Variants in EXOC6B observed in about 807,000 individuals in gnomAD.
The protein encoded by EXOC6B is SEC15 homolog B.
In EXOC6B, 54 loss-of-function variants were observed where a neutral mutation model predicts 113.5. That is an observed-to-expected ratio of 0.48 (90% confidence interval 0.38 to 0.60). The LOEUF is 0.60. Among genes scored for constraint, EXOC6B ranks in the 20% least tolerant of loss-of-function variants. The pLI, the probability that EXOC6B is intolerant of heterozygous loss-of-function variation, is 0.00. For synonymous variants in EXOC6B, 357 were observed against 339.0 expected (o/e 1.05, Z -0.58); for missense variants, 797 against 977.5 (o/e 0.82, Z 2.46).
At chr2:72,701,082 G>A (rs757485905) in intron 6 of EXOC6B, among the ~76,000 whole-genome samples, 10 of 152,078 alleles carry the variant, frequency 6.6e-5, no homozygotes, top group African/African-American at 1.2e-4. Flanking sequence ...GGTGGCTCAC[G>A]CCTGTAATCC....
intron 1 of EXOC6B, among the ~76,000 whole-genome samples, chr2:72,792,179 C>T (rs765532988): frequency 6.6e-6 from 1 of 152,158 alleles, no homozygotes; most frequent in Non-Finnish European, 1.5e-5. Flanking sequence ...ACTTCCAAGT[C>T]AAATTTAATC....
intron 18 of EXOC6B, among the ~76,000 whole-genome samples, chr2:72,413,991 GTTGAT>G (rs1179637008): frequency 2.0e-5 from 3 of 152,172 alleles, no homozygotes; most frequent in Non-Finnish European, 4.4e-5. Context: ...TATAAGCACA[GTTGAT>G]TTTAGTAACC....
At chr2:72,787,564 G>T (rs1046625427) in intron 1 of EXOC6B, among the ~76,000 whole-genome samples, 5 of 151,964 alleles carry the variant, frequency 3.3e-5, no homozygotes, top group Admixed American at 6.6e-5. Flanking sequence ...TAGCTTTAAG[G>T]AAAGTTTAAG....
intron 19 of EXOC6B, among the ~76,000 whole-genome samples, chr2:72,349,433 C>T (rs1434394844): frequency 1.3e-5 from 2 of 152,164 alleles, no homozygotes; most frequent in Non-Finnish European, 2.9e-5. Context: ...TGGGATTGAA[C>T]AGTTGGAGCT....
intron 1 of EXOC6B, among the ~76,000 whole-genome samples, chr2:72,800,634 T>A (rs768728013): frequency 3.9e-5 from 6 of 152,070 alleles, no homozygotes; most frequent in Non-Finnish European, 8.8e-5. Context: ...ATTTTACAGA[T>A]GAGAAAAGTG....
chr2:72,496,807 T>G (rs1182574813), intron 13 of EXOC6B, among the ~76,000 whole-genome samples: 1 of 151,950 alleles, frequency 6.6e-6, no homozygotes, highest in African/African-American at 2.4e-5. Context: ...GGACCACAAT[T>G]ATAAACATAT....
intron 18 of EXOC6B, among the ~76,000 whole-genome samples, chr2:72,426,226 G>C (rs748306080): frequency 3.4e-4 from 52 of 151,902 alleles, no homozygotes; most frequent in Non-Finnish European, 6.5e-4. Context: ...TGATAGCTTT[G>C]CTCATCCCCA....
intron 5 of EXOC6B, among the ~76,000 whole-genome samples, chr2:72,722,240 A>G (rs572195887): frequency 6.6e-6 from 1 of 152,256 alleles, no homozygotes. Context: ...ATATTACAAG[A>G]TAATTTTCTC....
intron 20 of EXOC6B, among the ~76,000 whole-genome samples, chr2:72,190,602 T>C (rs1309339996): frequency 2.0e-5 from 3 of 152,180 alleles, no homozygotes; most frequent in Non-Finnish European, 4.4e-5. Context: ...ATAACCAATC[T>C]AGTTTCTCGT....
intron 1 of EXOC6B, among the ~76,000 whole-genome samples, chr2:72,823,492 A>C (rs1346347361): frequency 1.3e-5 from 2 of 150,504 alleles, no homozygotes; most frequent in African/African-American, 4.9e-5. Flanking sequence ...AAAACAAAAA[A>C]AAAGACAGTG....
At chr2:72,460,854 C>A (rs944102612) in intron 18 of EXOC6B, among the ~76,000 whole-genome samples, 1 of 151,658 alleles carries the variant, frequency 6.6e-6, no homozygotes, top group African/African-American at 2.4e-5. Flanking sequence ...CATCCCATTA[C>A]TGGGTATATA....
At chr2:72,691,452 A>G (rs1258336987) in intron 6 of EXOC6B, among the ~76,000 whole-genome samples, 2 of 152,170 alleles carry the variant, frequency 1.3e-5, no homozygotes, top group Non-Finnish European at 2.9e-5. Context: ...CCAAAATTTA[A>G]AAGAAAAAAT....
At chr2:72,716,431 T>G (rs1374373276) in intron 6 of EXOC6B, among the ~76,000 whole-genome samples, 1 of 152,166 alleles carries the variant, frequency 6.6e-6, no homozygotes, top group South Asian at 2.1e-4. Context: ...CCTTACACTC[T>G]CGGTACTACA....
intron 8 of EXOC6B, among the ~76,000 whole-genome samples, chr2:72,529,635 T>G (rs946928051): frequency 6.6e-6 from 1 of 152,172 alleles, no homozygotes; most frequent in African/African-American, 2.4e-5. Context: ...ATTGTTTGTT[T>G]GTTTGTTTTT....
intron 1 of EXOC6B, among the ~76,000 whole-genome samples, chr2:72,796,889 A>G (rs1684990511): frequency 6.6e-6 from 1 of 152,238 alleles, no homozygotes; most frequent in African/African-American, 2.4e-5. Flanking sequence ...GAGAGCACCC[A>G]TAAAAGAGGA....
chr2:72,374,695 T>C (rs1164450666), intron 19 of EXOC6B, among the ~76,000 whole-genome samples: 2 of 151,646 alleles, frequency 1.3e-5, no homozygotes, highest in African/African-American at 2.4e-5. Flanking sequence ...TATGATTAGA[T>C]TGTAACACAA....
intron 18 of EXOC6B, among the ~76,000 whole-genome samples, chr2:72,429,466 T>C (rs1296366636): frequency 6.6e-6 from 1 of 152,206 alleles, no homozygotes. Flanking sequence ...TCTTAGATAA[T>C]CATAGCAGGT....
At chr2:72,535,436 T>C (rs1409674678) in intron 8 of EXOC6B, among the ~76,000 whole-genome samples, 1 of 152,196 alleles carries the variant, frequency 6.6e-6, no homozygotes, top group Admixed American at 6.5e-5. Flanking sequence ...GGGTACATAC[T>C]CCATGCTGTA....
At chr2:72,671,783 G>GAAAGAAAGAAAGAAAGAAAGAA (rs1675855471) in intron 6 of EXOC6B, among the ~76,000 whole-genome samples, 28 of 106,170 alleles carry the variant, frequency 2.6e-4, no homozygotes, top group African/African-American at 1.2e-3. Flanking sequence ...AAGAAAGAAA[G>GAAAGAAAGAAAGAAAGAAAGAA]AAAGAAAGAA....
Sources: gnomAD v4.1 joint callset for allele counts (sites outside exome capture counted in the v4.1 genomes callset) on GRCh38, gnomAD v4.1.1 for gene constraint, MANE v1.5 for transcripts, NCBI Gene and HGNC (gene_info 2026-07-23, HGNC 2026-07-21) for gene names.